SLC35F4: variants seen among roughly 807,000 people sequenced by gnomAD.
SLC35F4 encodes solute carrier family 35 member F4, also known as chromosome 14 open reading frame 36.
Under a neutral mutation model 44.2 loss-of-function variants are expected in SLC35F4, and 24 were observed. That is an observed-to-expected ratio of 0.54 (90% CI 0.39 to 0.76). The LOEUF (loss-of-function observed/expected upper bound fraction) is 0.76, where lower values mean the gene tolerates loss of function less well. Ranked by LOEUF, SLC35F4 falls within the 30% of genes least tolerant of loss-of-function variation. The pLI is 0.00. For missense variants in SLC35F4, 562 were observed against 586.1 expected, an observed-to-expected ratio of 0.96 and a Z score of 0.42; for synonymous variants, 238 against 223.6, an observed-to-expected ratio of 1.06 and a Z score of -0.57.
At chr14:57,572,043 C>A (rs2071876126) in intron 4 of SLC35F4, 24 bp from the exon 5 acceptor site, 1 of 1,599,384 alleles carries the variant, frequency 6.3e-7, no homozygotes, top group African/African-American at 1.3e-5. Context: ...TGCAAAGAAA[C>A]AGAAAAGCAA....
intron 1 of SLC35F4, among the ~76,000 whole-genome samples, chr14:57,807,937 A>T (rs191013865): frequency 6.6e-6 from 1 of 151,886 alleles, no homozygotes; most frequent in Non-Finnish European, 1.5e-5. Flanking sequence ...CATGTTTTAC[A>T]TGGTGGCAGG....
At chr14:57,586,973 A>AAAAGAGGGCAAAGGAGATGAACAG (rs61106122) in intron 3 of SLC35F4, among the ~76,000 whole-genome samples, 12 of 147,796 alleles carry the variant, frequency 8.1e-5, no homozygotes, top group African/African-American at 7.4e-5. Flanking sequence ...AAAACCAACA[A>AAAAGAGGGCAAAGGAGATGAACAG]ACACTTCTCA....
At chr14:57,594,490 G>A (rs1211749084) in intron 1 of SLC35F4, among the ~76,000 whole-genome samples, 1 of 152,088 alleles carries the variant, frequency 6.6e-6, no homozygotes, top group Non-Finnish European at 1.5e-5. Context: ...TTCTATAAAA[G>A]GGGCTCATAA....
At chr14:57,819,752 A>C (rs1272856145) in intron 1 of SLC35F4, among the ~76,000 whole-genome samples, 2 of 151,418 alleles carry the variant, frequency 1.3e-5, no homozygotes, top group South Asian at 2.1e-4. Flanking sequence ...GGCAGAGGGC[A>C]CAGTGAGCCG....
At chr14:57,942,336 C>A (rs1386492465) in intron 1 of SLC35F4, among the ~76,000 whole-genome samples, 1 of 152,190 alleles carries the variant, frequency 6.6e-6, no homozygotes, top group African/African-American at 2.4e-5. Flanking sequence ...TAAGTTGACT[C>A]TTATACCTAG....
chr14:57,802,985 CA>C (rs59647111), intron 1 of SLC35F4, among the ~76,000 whole-genome samples: 169 of 71,294 alleles, frequency 2.4e-3, no homozygotes, highest in South Asian at 5.4e-3. Flanking sequence ...GCAGAGATAC[CA>C]AAAAAAAAAA....
At chr14:57,722,256 T>C (rs1337475718) in intron 1 of SLC35F4, among the ~76,000 whole-genome samples, 2 of 152,136 alleles carry the variant, frequency 1.3e-5, no homozygotes, top group Non-Finnish European at 2.9e-5. Flanking sequence ...TAATCATTTA[T>C]TTGGTTAGCT....
At chr14:57,890,383 T>C (rs1264424201) in intron 1 of SLC35F4, among the ~76,000 whole-genome samples, 1 of 152,222 alleles carries the variant, frequency 6.6e-6, no homozygotes, top group Non-Finnish European at 1.5e-5. Context: ...TGGTTTTTTA[T>C]ACAACATAGT....
intron 1 of SLC35F4, among the ~76,000 whole-genome samples, chr14:57,623,274 T>G (rs1273293285): frequency 6.6e-6 from 1 of 152,156 alleles, no homozygotes; most frequent in Non-Finnish European, 1.5e-5. Context: ...ATCCTAAATA[T>G]ATATGTGCCC....
chr14:57,900,705 C>T (rs947327837), intron 1 of SLC35F4, among the ~76,000 whole-genome samples: 2 of 152,106 alleles, frequency 1.3e-5, no homozygotes, highest in African/African-American at 4.8e-5. Context: ...AGTTTCTGCA[C>T]AGCTAAAGAA....
chr14:57,805,185 G>C (rs930539794), intron 1 of SLC35F4, among the ~76,000 whole-genome samples: 2 of 152,176 alleles, frequency 1.3e-5, no homozygotes, highest in African/African-American at 4.8e-5. Context: ...GTGTAAATTA[G>C]TTCAACCATT....
chr14:57,704,749 C>T (rs1009026448), intron 1 of SLC35F4, among the ~76,000 whole-genome samples: 3 of 152,174 alleles, frequency 2.0e-5, no homozygotes, highest in Non-Finnish European at 4.4e-5. Flanking sequence ...GCTTCTGTGG[C>T]CCTGTGTGCA....
At chr14:57,581,191 C>A in intron 4 of SLC35F4, 23 bp downstream of exon 4, 1 of 1,493,852 alleles carries the variant, frequency 6.7e-7, no homozygotes, top group African/African-American at 1.4e-5. Flanking sequence ...AGGCATCGCG[C>A]ATTGAATCAA....
At chr14:57,660,525 A>C (rs968356551) in intron 1 of SLC35F4, among the ~76,000 whole-genome samples, 3 of 147,676 alleles carry the variant, frequency 2.0e-5, no homozygotes, top group Middle Eastern at 3.4e-3. Context: ...TTGTGTGGTC[A>C]CATGGGGACC....
rs114412278 is a variant in SLC35F4, at chr14:57,617,696, T to C, written c.104-23572A>G. ...TGGATAAGCAGTGTGCTAGGAGGGG[T>C]AGAGTGGGTCTGTATGAGTCATGGC... On this transcript the variant is annotated intron_variant, in intron 1 of 7. Transcript: ENST00000556826. 2.0e-3 allele frequency among the ~76,000 whole-genome samples: 297 copies of C among 152,026 alleles called. 1 individual carries two copies. The highest frequency in any genetic ancestry group is 6.7e-3 in the African/African-American group (276 of 41,434).
At chr14:57,717,957 T>C (rs963245017) in intron 1 of SLC35F4, among the ~76,000 whole-genome samples, 3 of 152,352 alleles carry the variant, frequency 2.0e-5, no homozygotes, top group Admixed American at 2.0e-4. Context: ...ATAGCACTCT[T>C]ATTCACTCTT....
intron 1 of SLC35F4, among the ~76,000 whole-genome samples, chr14:57,815,612 G>C (rs987255564): frequency 6.6e-6 from 1 of 152,104 alleles, no homozygotes; most frequent in African/African-American, 2.4e-5. Flanking sequence ...TACCTCTGAT[G>C]CTTGCCTAGC....
Position 57,744,136 on chromosome 14 carries a change from C to A in SLC35F4, c.103+121587G>T, listed in dbSNP as rs369478228. ...GCCAATATCATACTGAATGGGCAAA[C>A]ACTGGAAGCATTCCCTTTGAAAACT... On this transcript the variant is annotated intron_variant, in intron 1 of 7. Transcript: ENST00000556826. Among the ~76,000 whole-genome samples the A allele has an allele frequency of 5.9e-5, 9 of 152,142 alleles. No homozygotes were observed. The East Asian group carries it at 1.7e-3, about 29-fold the overall frequency.
At chr14:57,827,004 C>A (rs1010175567) in intron 1 of SLC35F4, among the ~76,000 whole-genome samples, 1 of 152,154 alleles carries the variant, frequency 6.6e-6, no homozygotes, top group African/African-American at 2.4e-5. Context: ...AATCCCATTA[C>A]TGGGTATATA....
Sources: gnomAD v4.1 joint callset for allele counts (sites outside exome capture counted in the v4.1 genomes callset) on GRCh38, gnomAD v4.1.1 for gene constraint, MANE v1.5 for transcripts, NCBI Gene and HGNC (gene_info 2026-07-23, HGNC 2026-07-21) for gene names.